The following TMEM131 variants were observed in gnomAD, a reference collection of about 807,000 sequenced individuals.
TMEM131 encodes 2610524E03Rik.
Under a neutral mutation model 211.6 loss-of-function variants are expected in TMEM131, and 66 were observed. The observed-to-expected ratio is 0.31, with a 90% CI of 0.26 to 0.38. TMEM131 has a LOEUF of 0.38. Ranked by LOEUF, TMEM131 falls within the 10% of genes least tolerant of loss-of-function variation. The pLI is 1.00. For missense variants in TMEM131, 2,036 were observed against 2,299.3 expected (o/e 0.89, Z 2.34); for synonymous variants, 844 against 841.3 (o/e 1.00, Z -0.06).
At position 97,802,700 on chromosome 2, in the gene TMEM131, G is replaced by T; in HGVS notation, c.2493C>A (p.Ser831Arg). Reference sequence around the variant, plus strand: ...GTGGAAATTTCAAGTGCCGGGGTGAGCTAAGTATGGAAGGCCAGGAGAGCT... The same window carrying T: ...GTGGAAATTTCAAGTGCCGGGGTGATCTAAGTATGGAAGGCCAGGAGAGCT... The part of the protein sequence containing the change: ...TAELSWPSIL[S>R]SPRHLKFPLT... Residue 831 changes from serine to arginine, a missense_variant, in exon 23 of 41, where the codon AGC (serine) becomes AGA (arginine). Transcript: ENST00000186436. 1 of 1,609,724 alleles carries T rather than the reference G, an allele frequency of 6.2e-7. No homozygotes were observed. Among genetic ancestry groups the T allele is most frequent in the Non-Finnish European group, 8.5e-7 (1 of 1,178,044 alleles).
intron 12 of TMEM131, among the ~76,000 whole-genome samples, chr2:97,816,392 G>A (rs970982559): frequency 8.5e-5 from 13 of 152,166 alleles, no homozygotes; most frequent in Non-Finnish European, 1.6e-4. Flanking sequence ...TACAGAAATT[G>A]ATTCAGTTGG....
In TMEM131 at chr2:97,758,977, G is replaced by T. The variant is rs1187831130; in HGVS notation, c.5283C>A (p.Gly1761=). The change falls in exon 40 of 41, where the codon GGC becomes GGA. Residue 1761 remains glycine (G), a synonymous_variant. Coordinates refer to ENST00000186436, the MANE Select transcript of TMEM131 (RefSeq NM_015348.2). ...CTGGCGACTCCCAAAGGTATGAAGG[G>T]CCACTATTAAACTCGTTCCAGCTCC... The part of the protein sequence containing the change: ...SQRSWNEFNS[G]PSYLWESPAT... 1.2e-6 allele frequency: 2 copies of T among 1,613,872 alleles called. No individual in the cohort carries two copies. The highest frequency in any genetic ancestry group is 1.3e-5 in the African/African-American group (1 of 74,938).
chr2:97,885,683 C>T (rs1309351795), intron 4 of TMEM131, among the ~76,000 whole-genome samples: 5 of 152,038 alleles, frequency 3.3e-5, no homozygotes, highest in Non-Finnish European at 7.4e-5. Context: ...TGACTTGACA[C>T]TTTTCTCTTG....
At chr2:97,860,386 C>T (rs1413819162) in intron 4 of TMEM131, among the ~76,000 whole-genome samples, 1 of 152,126 alleles carries the variant, frequency 6.6e-6, no homozygotes, top group Non-Finnish European at 1.5e-5. Context: ...ATTTCTAATT[C>T]AAATATACAC....
intron 4 of TMEM131, among the ~76,000 whole-genome samples, chr2:97,869,731 G>C (rs114532263): frequency 1.7e-3 from 259 of 152,218 alleles, no homozygotes; most frequent in Middle Eastern, 3.4e-3. Context: ...CCGTTCCTTT[G>C]GTGACATGAG....
intron 1 of TMEM131, among the ~76,000 whole-genome samples, chr2:97,940,272 C>A (rs540442748): frequency 1.1e-4 from 17 of 152,234 alleles, no homozygotes; most frequent in Middle Eastern, 6.8e-3. Flanking sequence ...ATTTAGAAAA[C>A]CCCATCATCT....
At chr2:97,967,447 G>T (rs1324715532) in intron 1 of TMEM131, among the ~76,000 whole-genome samples, 1 of 151,930 alleles carries the variant, frequency 6.6e-6, no homozygotes, top group East Asian at 1.9e-4. Flanking sequence ...TTATTCATAT[G>T]TGACTACAAA....
intron 22 of TMEM131, among the ~76,000 whole-genome samples, chr2:97,803,696 T>C (rs1681148295): frequency 6.6e-6 from 1 of 152,144 alleles, no homozygotes; most frequent in African/African-American, 2.4e-5. Context: ...TCACATCTAC[T>C]GTGCACTCAA....
At chr2:97,782,040 A>G (rs1427914115) in intron 31 of TMEM131, among the ~76,000 whole-genome samples, 1 of 152,204 alleles carries the variant, frequency 6.6e-6, no homozygotes, top group African/African-American at 2.4e-5. Context: ...GCTATCAGGG[A>G]GGGCTAAGCA....
chr2:97,983,781 G>A (rs1195146185), intron 1 of TMEM131, among the ~76,000 whole-genome samples: 2 of 152,050 alleles, frequency 1.3e-5, no homozygotes, highest in Non-Finnish European at 1.5e-5. Context: ...TCGTCCCTTC[G>A]TTCAGTCTTG....
intron 31 of TMEM131, among the ~76,000 whole-genome samples, chr2:97,781,060 T>C (rs1256930912): frequency 2.0e-5 from 3 of 152,230 alleles, no homozygotes; most frequent in African/African-American, 7.2e-5. Flanking sequence ...ACTGAGGTCA[T>C]GCAATCATTC....
intron 4 of TMEM131, among the ~76,000 whole-genome samples, chr2:97,865,119 T>C (rs1450313497): frequency 6.6e-6 from 1 of 152,242 alleles, no homozygotes; most frequent in East Asian, 1.9e-4. Flanking sequence ...GGGGATTATC[T>C]CTCCTTTTAA....
chr2:97,913,857 G>C (rs1440430139), intron 2 of TMEM131, among the ~76,000 whole-genome samples: 2 of 152,116 alleles, frequency 1.3e-5, no homozygotes, highest in Non-Finnish European at 2.9e-5. Flanking sequence ...CGCCATTTGA[G>C]TATTACTTAC....
chr2:97,887,753 A>C (rs1479571720), intron 4 of TMEM131: 1 of 262,038 alleles, frequency 3.8e-6, no homozygotes, highest in Non-Finnish European at 7.1e-6. Context: ...TAAAAATAAA[A>C]ATGAAGTGCT....
chr2:97,767,663 T>C (rs1218702543), intron 33 of TMEM131, among the ~76,000 whole-genome samples: 1 of 152,192 alleles, frequency 6.6e-6, no homozygotes, highest in Non-Finnish European at 1.5e-5. Flanking sequence ...GATGGCTAGC[T>C]TTTCATTCCA....
chr2:97,842,800 C>A (rs1246943470), intron 6 of TMEM131, among the ~76,000 whole-genome samples: 8 of 152,124 alleles, frequency 5.3e-5, no homozygotes, highest in Non-Finnish European at 1.0e-4. Flanking sequence ...TTGTGGGATG[C>A]CATCGTGGGG....
At chr2:97,913,272 A>G (rs1278499006) in intron 2 of TMEM131, among the ~76,000 whole-genome samples, 1 of 152,240 alleles carries the variant, frequency 6.6e-6, no homozygotes, top group Non-Finnish European at 1.5e-5. Flanking sequence ...AAGACTGAAC[A>G]TCGTACTACA....
rs999074084 is a variant in TMEM131, at chr2:97,834,310, G to A, written c.1012+311C>T. ...CCAGAAGTAAAAATCAAGATTCAGC[G>A]TAACTGAACTGATGAGCAACTGGAT... On this transcript the variant is annotated intron_variant, in intron 10 of 40. Coordinates refer to ENST00000186436, the MANE Select transcript of TMEM131 (RefSeq NM_015348.2). Among the ~76,000 whole-genome samples the A allele has an allele frequency of 7.2e-5, 11 of 152,240 alleles. No individual in the cohort carries two copies. The South Asian group carries it at 1.0e-3, about 14-fold the overall frequency.
At chr2:97,826,497 G>A (rs1347730322) in intron 11 of TMEM131, among the ~76,000 whole-genome samples, 1 of 152,036 alleles carries the variant, frequency 6.6e-6, no homozygotes, top group African/African-American at 2.4e-5. Flanking sequence ...GGAAGGAGAA[G>A]GGAGAACAGC....
Sources: allele counts gnomAD v4.1 joint callset (sites outside exome capture counted in the v4.1 genomes callset), GRCh38; gene constraint gnomAD v4.1.1; transcripts MANE v1.5; gene names NCBI Gene and HGNC (gene_info 2026-07-23, HGNC 2026-07-21).